SHPRH: variants seen among roughly 807,000 people sequenced by gnomAD.
SHPRH encodes the protein E3 ubiquitin-protein ligase SHPRH.
A neutral mutation model predicts 202.5 loss-of-function variants in SHPRH; 106 were observed. That is an observed-to-expected ratio of 0.52 (90% CI 0.45 to 0.62). The LOEUF is 0.62. Among genes scored for constraint, SHPRH ranks in the 20% least tolerant of loss-of-function variants. The pLI, the probability that SHPRH is intolerant of heterozygous loss-of-function variation, is 0.00. For synonymous variants in SHPRH, 729 were observed against 686.0 expected (o/e 1.06, Z -0.98); for missense variants, 1,710 against 2,020.0 (o/e 0.85, Z 2.94).
chr6:145,867,474 A>G (rs1779826463), intron 2 of SHPRH, among the ~76,000 whole-genome samples: 1 of 151,252 alleles, frequency 6.6e-6, no homozygotes, highest in Non-Finnish European at 1.5e-5. Flanking sequence ...AGGTGTCACT[A>G]CAAGAGAGAG....
intron 15 of SHPRH, 50 bp from the exon 16 acceptor site, chr6:145,926,346 T>C: frequency 6.8e-7 from 1 of 1,469,724 alleles, no homozygotes; most frequent in African/African-American, 1.4e-5. Context: ...CAGAAGACTC[T>C]GAAGAGAACC....
intron 11 of SHPRH, chr6:145,935,666 T>C (rs965735648): frequency 1.3e-4 from 62 of 482,204 alleles, no homozygotes; most frequent in Non-Finnish European, 2.1e-4. Context: ...GTTAGATTTA[T>C]GCAACCATTC....
intron 2 of SHPRH, among the ~76,000 whole-genome samples, chr6:145,877,469 T>C (rs1396647125): frequency 2.6e-5 from 4 of 152,214 alleles, no homozygotes; most frequent in Non-Finnish European, 4.4e-5. Context: ...ATATTGTGAC[T>C]TGCTTTTCAA....
intron 14 of SHPRH, 82 bp downstream of exon 14, chr6:145,932,975 A>G: frequency 1.4e-6 from 2 of 1,434,038 alleles, no homozygotes; most frequent in Non-Finnish European, 1.9e-6. Context: ...CCCCCCCCCA[A>G]AAATCAAAAT....
intron 14 of SHPRH, among the ~76,000 whole-genome samples, chr6:145,928,266 G>T (rs1303817707): frequency 6.6e-6 from 1 of 151,874 alleles, no homozygotes; most frequent in Non-Finnish European, 1.5e-5. Context: ...AGTAAGAGAT[G>T]AACATTTTTA....
At chr6:145,949,414 G>C (rs1437943476) in intron 4 of SHPRH, among the ~76,000 whole-genome samples, 1 of 152,052 alleles carries the variant, frequency 6.6e-6, no homozygotes, top group Non-Finnish European at 1.5e-5. Flanking sequence ...CCACAAAAAA[G>C]AATGAAATAA....
In SHPRH at chr6:145,893,404, A is replaced by C; in HGVS notation, c.4696-11T>G. On this transcript the variant is annotated splice_polypyrimidine_tract_variant and intron_variant, in intron 27 of 29. Transcript: ENST00000275233. ...TGCTGAAAGGTTCTCCTAAAAAAGA[A>C]AGGTACATTTTAATTTTAGCTCGAT... The C allele has an allele frequency of 6.4e-7, 1 of 1,572,786 alleles. No homozygotes were observed. The highest frequency in any genetic ancestry group is 8.6e-7 in the Non-Finnish European group (1 of 1,164,458).
In SHPRH at chr6:145,926,223, T is replaced by A; in HGVS notation, c.3275A>T (p.Asp1092Val). The change falls in exon 16 of 30, where the codon GAT becomes GTT. Residue 1092 changes from aspartate to valine, a missense_variant. Coordinates refer to ENST00000275233, the MANE Select transcript of SHPRH (RefSeq NM_001042683.3). ...AATTACCTCTTCCTCAAGTCGGCCATCACGCAAGGTAGGTGGTATCCCTGG... is the reference window on the plus strand; with the variant it reads ...AATTACCTCTTCCTCAAGTCGGCCAACACGCAAGGTAGGTGGTATCCCTGG... ...RHPGIPPTLR[D>V]GRLEEEAKQL... The A allele has an allele frequency of 6.2e-7, 1 of 1,612,934 alleles. No individual in the cohort carries two copies. The highest frequency in any genetic ancestry group is 2.2e-5 in the East Asian group (1 of 44,824).
chr6:145,894,420 G>GTTTTT (rs55829530), intron 26 of SHPRH, among the ~76,000 whole-genome samples, 184 bp from the exon 27 acceptor site: 1 of 140,300 alleles, frequency 7.1e-6, no homozygotes, highest in African/African-American at 2.6e-5. Context: ...AATTTTGTTT[G>GTTTTT]TTTTTTTTTT....
At chr6:145,898,440 T>C (rs1782200705) in intron 25 of SHPRH, among the ~76,000 whole-genome samples, 1 of 139,552 alleles carries the variant, frequency 7.2e-6, no homozygotes, top group Non-Finnish European at 1.6e-5. Context: ...ATTAAAATTC[T>C]GATGACATTT....
At chr6:145,923,513 G>T in intron 18 of SHPRH, 130 bp downstream of exon 18, 2 of 1,123,760 alleles carry the variant, frequency 1.8e-6, no homozygotes, top group Non-Finnish European at 2.5e-6. Flanking sequence ...AAAGAAGTAT[G>T]AATGTGTCTG....
intron 2 of SHPRH, among the ~76,000 whole-genome samples, chr6:145,867,623 TATATATATAGAG>T (rs1429947102): frequency 3.9e-4 from 27 of 68,428 alleles, no homozygotes; most frequent in African/African-American, 1.5e-3. Flanking sequence ...TATATATATA[TATATATATAGAG>T]AGAGAGAGAG....
At chr6:145,922,921 A>G (rs548577585) in intron 18 of SHPRH, 85 bp from the exon 19 acceptor site, 2 of 1,431,754 alleles carry the variant, frequency 1.4e-6, no homozygotes, top group African/African-American at 3.0e-5. Flanking sequence ...GTTGCCAAAC[A>G]AAGTGTTAAA....
chr6:145,922,945 G>GTT (rs34616835), intron 18 of SHPRH, 109 bp from the exon 19 acceptor site: 62,189 of 941,726 alleles, frequency 0.066, 449 homozygotes, highest in African/African-American at 0.15. Context: ...ACTGTTTGCT[G>GTT]TTTTTTTTTT....
downstream of SHPRH, among the ~76,000 whole-genome samples, chr6:145,882,699 A>C (rs546969476): frequency 2.6e-5 from 4 of 152,206 alleles, no homozygotes; most frequent in Non-Finnish European, 5.9e-5. Context: ...TGATTATGGG[A>C]AGCCAAGAGA....
chr6:145,899,554 A>G (rs1782314641), intron 25 of SHPRH, among the ~76,000 whole-genome samples: 1 of 152,210 alleles, frequency 6.6e-6, no homozygotes, highest in Admixed American at 6.6e-5. Flanking sequence ...AATGGATTAA[A>G]GACTTAAATA....
Position 145,864,716 on chromosome 6 carries a change from A to G in SHPRH, c.222-225T>C, listed in dbSNP as rs17075414. Among the ~76,000 whole-genome samples, 623 of 151,986 alleles carry G rather than the reference A, an allele frequency of 4.1e-3. 17 individuals are homozygous for G. In the East Asian group the frequency reaches 0.071, roughly 17 times the overall value. On this transcript the variant is annotated intron_variant, in intron 2 of 2. Transcript: ENST00000417762. ...AAAGCTAAGGTTAAAAAAAAAGAGAAACTGCATTCTTTCCAAGTAAAAAGC... is the reference window on the plus strand; with the variant it reads ...AAAGCTAAGGTTAAAAAAAAAGAGAGACTGCATTCTTTCCAAGTAAAAAGC...
At chr6:145,868,605 A>G (rs1779910525) in intron 2 of SHPRH, among the ~76,000 whole-genome samples, 1 of 152,226 alleles carries the variant, frequency 6.6e-6, no homozygotes, top group African/African-American at 2.4e-5. Flanking sequence ...ACAGGAAGAC[A>G]GTCAATGAAA....
intron 15 of SHPRH, 40 bp from the exon 16 acceptor site, chr6:145,926,336 C>A (rs1784875628): frequency 1.3e-6 from 2 of 1,544,218 alleles, no homozygotes; most frequent in Non-Finnish European, 1.8e-6. Flanking sequence ...ACAGTCAATG[C>A]AGAAGACTCT....
Sources: allele counts gnomAD v4.1 joint callset (sites outside exome capture counted in the v4.1 genomes callset), GRCh38; gene constraint gnomAD v4.1.1; transcripts MANE v1.5; gene names NCBI Gene and HGNC (gene_info 2026-07-23, HGNC 2026-07-21).